Variants in VPS13A observed in about 807,000 individuals in gnomAD.
VPS13A encodes the protein intermembrane lipid transfer protein VPS13A.
VPS13A carries 264 observed loss-of-function variants against 390.9 expected under a neutral mutation model. The observed-to-expected ratio is 0.68, with a 90% CI of 0.61 to 0.75. VPS13A has a LOEUF of 0.75. Among genes scored for constraint, VPS13A ranks in the 30% least tolerant of loss-of-function variants. The pLI is 0.00. For missense variants in VPS13A, 3,409 were observed against 3,733.9 expected (o/e 0.91, Z 2.27); for synonymous variants, 1,231 against 1,227.1 (o/e 1.00, Z -0.07).
intron 19 of VPS13A, among the ~76,000 whole-genome samples, chr9:77,240,560 C>T (rs1033335809): frequency 6.6e-6 from 1 of 150,984 alleles, no homozygotes; most frequent in East Asian, 1.9e-4. Context: ...TCGCTGCAAC[C>T]TCTGCCTCCC....
chr9:77,320,268 G>A (rs185787910), intron 42 of VPS13A, among the ~76,000 whole-genome samples: 270 of 152,218 alleles, frequency 1.8e-3, no homozygotes, highest in Admixed American at 3.0e-3. Flanking sequence ...CTGCAGAGGC[G>A]TTAAATCCAC....
chr9:77,362,668 G>C (rs1184530003), intron 59 of VPS13A, among the ~76,000 whole-genome samples: 3 of 152,188 alleles, frequency 2.0e-5, no homozygotes, highest in African/African-American at 7.2e-5. Flanking sequence ...CTGGACATCT[G>C]ATAGAGACTG....
chr9:77,207,356 A>C (rs1724934226), intron 5 of VPS13A, among the ~76,000 whole-genome samples: 1 of 148,214 alleles, frequency 6.7e-6, no homozygotes, highest in Non-Finnish European at 1.5e-5. Context: ...CTCGTGTTTC[A>C]TTGGCATATA....
intron 1 of VPS13A, among the ~76,000 whole-genome samples, chr9:77,179,593 G>A (rs981309492): frequency 3.9e-5 from 6 of 151,924 alleles, no homozygotes; most frequent in African/African-American, 1.5e-4. Context: ...TATAAATAAA[G>A]CCGTCATAAA....
chr9:77,385,479 G>A (rs528106067), intron 68 of VPS13A, among the ~76,000 whole-genome samples: 15 of 151,726 alleles, frequency 9.9e-5, no homozygotes, highest in African/African-American at 3.1e-4. Context: ...AACTTCTATC[G>A]TAAACATAAC....
intron 22 of VPS13A, among the ~76,000 whole-genome samples, chr9:77,259,041 A>G (rs559746962): frequency 2.6e-5 from 4 of 152,138 alleles, no homozygotes; most frequent in African/African-American, 9.7e-5. Context: ...ATAAGGGTAC[A>G]GGGCAGAAAT....
chr9:77,416,164 AC>A lies in VPS13A; in HGVS notation c.*159del. On this transcript the variant is annotated 3_prime_UTR_variant, in exon 72 of 72. Transcript: ENST00000360280. The stretch of plus-strand genomic sequence containing the variant: ...CAAACAAAAAAACAAAAACAAAAAA[AC>A]AAAACCAGAATCAGGTAAAACAGCT... 1.2e-6 allele frequency: 1 copy of A among 840,910 alleles called. No homozygotes were observed. The highest frequency in any genetic ancestry group is 1.9e-6 in the Non-Finnish European group (1 of 525,340). The allele number at this position is 840,910 out of a possible 1,614,324, so 52.1% of individuals were successfully genotyped here.
intron 33 of VPS13A, among the ~76,000 whole-genome samples, chr9:77,301,522 C>A (rs1326688602): frequency 6.6e-6 from 1 of 152,162 alleles, no homozygotes; most frequent in Non-Finnish European, 1.5e-5. Flanking sequence ...GATGAACTCT[C>A]ATATTTCTCT....
chr9:77,218,235 T>G (rs950878122), intron 10 of VPS13A, among the ~76,000 whole-genome samples: 3 of 150,968 alleles, frequency 2.0e-5, no homozygotes, highest in African/African-American at 7.3e-5. Flanking sequence ...TGTCTCAGAC[T>G]CCCGAGTAGC....
intron 58 of VPS13A, 60 bp downstream of exon 58, chr9:77,359,462 T>C (rs1004703216): frequency 8.0e-6 from 11 of 1,366,892 alleles, no homozygotes; most frequent in Non-Finnish European, 6.2e-6. Context: ...ATATATGAAT[T>C]GTTTGTACTC....
At chr9:77,306,139 C>T (rs1828725910) in intron 34 of VPS13A, among the ~76,000 whole-genome samples, 1 of 151,918 alleles carries the variant, frequency 6.6e-6, no homozygotes, top group Admixed American at 6.6e-5. Flanking sequence ...AAAAAAAACC[C>T]CAAACATTAG....
intron 71 of VPS13A, among the ~76,000 whole-genome samples, chr9:77,410,122 G>A (rs1248452338): frequency 6.6e-6 from 1 of 152,210 alleles, no homozygotes; most frequent in East Asian, 1.9e-4. Context: ...CAAGCCAGAA[G>A]AGAGTGGGGG....
chr9:77,326,936 C>T lies in VPS13A; in HGVS notation c.5991+3709C>T, dbSNP rs143991331. Among the ~76,000 whole-genome samples, 859 of 152,246 alleles carry T rather than the reference C, an allele frequency of 5.6e-3. 3 individuals are homozygous for T. Among genetic ancestry groups the T allele is most frequent in the South Asian group, 0.01 (49 of 4,818 alleles). Reference sequence around the variant, plus strand: ...TCAGTTTTCCAGAATTCTGTCCGTACAGCTCTTGCCTCTCCATGCAGGTCT... The same window carrying T: ...TCAGTTTTCCAGAATTCTGTCCGTATAGCTCTTGCCTCTCCATGCAGGTCT... On this transcript the variant is annotated intron_variant, in intron 45 of 71. Coordinates refer to ENST00000360280, the MANE Select transcript of VPS13A (RefSeq NM_033305.3).
chr9:77,249,570 C>A (rs1825036446), intron 20 of VPS13A, among the ~76,000 whole-genome samples: 1 of 152,168 alleles, frequency 6.6e-6, no homozygotes, highest in South Asian at 2.1e-4. Context: ...ATTGTGGAGT[C>A]ATCTCCAGGA....
At chr9:77,321,775 G>A (rs751360600) in intron 44 of VPS13A, 29 bp downstream of exon 44, 3 of 1,610,440 alleles carry the variant, frequency 1.9e-6, no homozygotes, top group South Asian at 2.2e-5. Context: ...ACCTTCCTGG[G>A]GCTATTTTGT....
intron 23 of VPS13A, among the ~76,000 whole-genome samples, chr9:77,262,740 A>G (rs1825828744): frequency 6.6e-6 from 1 of 152,144 alleles, no homozygotes; most frequent in African/African-American, 2.4e-5. Context: ...AGCTTCATCC[A>G]TGTCCTTGCA....
At chr9:77,219,835 T>C (rs1471802896) in intron 10 of VPS13A, 119 bp from the exon 11 acceptor site, 12 of 1,032,826 alleles carry the variant, frequency 1.2e-5, no homozygotes, top group East Asian at 2.4e-5. Flanking sequence ...TGTGAACATC[T>C]GGGAACTGTA....
chr9:77,379,810 G>C (rs539203879), intron 67 of VPS13A, among the ~76,000 whole-genome samples: 1 of 152,316 alleles, frequency 6.6e-6, no homozygotes, highest in African/African-American at 2.4e-5. Flanking sequence ...CACTTGAGAA[G>C]AATATATATT....
At chr9:77,229,532 C>T (rs1823706555) in intron 17 of VPS13A, among the ~76,000 whole-genome samples, 1 of 152,158 alleles carries the variant, frequency 6.6e-6, no homozygotes, top group African/African-American at 2.4e-5. Context: ...CATACAATAT[C>T]TGGTCTTTTC....
Sources: allele counts gnomAD v4.1 joint callset (sites outside exome capture counted in the v4.1 genomes callset), GRCh38; gene constraint gnomAD v4.1.1; transcripts MANE v1.5; gene names NCBI Gene and HGNC (gene_info 2026-07-23, HGNC 2026-07-21).